CUL3: variants seen among roughly 807,000 people sequenced by gnomAD.
CUL3 encodes cullin-3.
A neutral mutation model predicts 89.1 loss-of-function variants in CUL3; 19 were observed. The ratio of observed to expected loss-of-function variants is 0.21; its 90% confidence interval spans 0.15 to 0.31. CUL3 has a LOEUF of 0.31. Ranked by LOEUF, CUL3 falls within the 10% of genes least tolerant of loss-of-function variation. The pLI is 1.00. For synonymous variants in CUL3, 351 were observed against 308.4 expected (o/e 1.14, Z -1.45); for missense variants, 469 against 942.3 (o/e 0.50, Z 6.58).
At chr2:224,530,533 G>C (rs749734673) in intron 3 of CUL3, among the ~76,000 whole-genome samples, 2 of 152,188 alleles carry the variant, frequency 1.3e-5, no homozygotes, top group Non-Finnish European at 2.9e-5. Context: ...GTATCGGTTA[G>C]AGAGGTGCAT....
intron 3 of CUL3, among the ~76,000 whole-genome samples, chr2:224,532,261 G>C (rs116485250): frequency 0.011 from 1,708 of 152,182 alleles, 30 homozygotes; most frequent in African/African-American, 0.039. Flanking sequence ...ACCATGAGAA[G>C]AACAACTAGG....
chr2:224,562,789 G>A (rs1436941190), intron 1 of CUL3: 1 of 154,122 alleles, frequency 6.5e-6, no homozygotes, highest in Non-Finnish European at 1.4e-5. Context: ...GTGCTAATAT[G>A]GTAAAGTAAC....
intron 1 of CUL3, among the ~76,000 whole-genome samples, chr2:224,578,543 T>G (rs1426986923): frequency 2.0e-5 from 3 of 152,130 alleles, no homozygotes; most frequent in Non-Finnish European, 4.4e-5. Flanking sequence ...TTGTTATAAT[T>G]AGAAAAGCTA....
rs2106215222 is a variant in CUL3, at chr2:224,511,423, G to A, written c.814C>T (p.His272Tyr). The change falls in exon 6 of 16, where the codon CAC becomes TAC. Residue 272 changes from histidine (H) to tyrosine (Y), a missense_variant. By Grantham distance (83) the His-to-Tyr change is moderately conservative. Around this residue, in one of 4 missense-constraint regions of CUL3, gnomAD observed 370 missense variants for 733.2 expected, o/e 0.50. Coordinates refer to ENST00000264414, the MANE Select transcript of CUL3 (RefSeq NM_003590.5). The part of the protein sequence containing the change: ...KVVERELISK[H>Y]MKTIVEMENS... Reference sequence around the variant, plus strand: ...TCCATTTCTACTATAGTCTTCATGTGCTTGGAAATGAGTTCCCTTTCAACC... The same window carrying A: ...TCCATTTCTACTATAGTCTTCATGTACTTGGAAATGAGTTCCCTTTCAACC... 6.2e-7 allele frequency: 1 copy of A among 1,613,824 alleles called. No individual in the cohort carries two copies. Among genetic ancestry groups the A allele is most frequent in the African/African-American group, 1.3e-5 (1 of 74,978 alleles).
At chr2:224,580,284 C>T (rs1405486243) in intron 1 of CUL3, among the ~76,000 whole-genome samples, 3 of 152,164 alleles carry the variant, frequency 2.0e-5, no homozygotes, top group African/African-American at 7.2e-5. Flanking sequence ...TATTGTCTTC[C>T]ATCTTAAAAA....
chr2:224,497,724 C>CTTA lies in CUL3; in HGVS notation c.1707+26_1707+28dup, dbSNP rs1174693623. On this transcript the variant is annotated intron_variant, in intron 12 of 15. Transcript: ENST00000264414. ...GCTCTAATAGACTAACTTTAAGTTA[C>CTTA]TTAATACGTTCAAACTATCAATATT... 2.0e-6 allele frequency: 3 copies of CTTA among 1,534,746 alleles called. No individual in the cohort carries two copies. The African/African-American group carries it at 4.1e-5, about 21-fold the overall frequency.
At chr2:224,564,169 T>G (rs1303617545) in intron 1 of CUL3, among the ~76,000 whole-genome samples, 1 of 152,060 alleles carries the variant, frequency 6.6e-6, no homozygotes, top group African/African-American at 2.4e-5. Context: ...ACCTGTAATC[T>G]CAGCTACTTG....
intron 4 of CUL3, 49 bp from the exon 5 acceptor site, chr2:224,513,687 T>C: frequency 1.5e-6 from 2 of 1,315,242 alleles, no homozygotes; most frequent in Admixed American, 4.7e-5. Flanking sequence ...CATTTAAAAA[T>C]TCACATAAAA....
At chr2:224,529,708 G>A (rs1693618741) in intron 3 of CUL3, among the ~76,000 whole-genome samples, 2 of 152,276 alleles carry the variant, frequency 1.3e-5, no homozygotes, top group South Asian at 4.1e-4. Flanking sequence ...GGTAATGCAA[G>A]TCTCAAGCAT....
rs1393105898 is a variant in CUL3, at chr2:224,557,936, C to A, written c.67-80G>T. 7 of 774,054 alleles carry A rather than the reference C, an allele frequency of 9.0e-6. No homozygotes were observed. In the East Asian group the frequency reaches 1.9e-4, roughly 21 times the overall value. 47.9% of individuals were successfully genotyped at this position (774,054 alleles called of 1,614,324 possible). On this transcript the variant is annotated intron_variant, in intron 1 of 15. Transcript: ENST00000264414. ...GGTTGAAAGTCTTTCTATATTTGTC[C>A]ATATATAGTAAATATTGTATTATAT...
At position 224,470,489 on chromosome 2, in the gene CUL3, TA is replaced by T. The variant is rs1432567963; in HGVS notation, c.*3755del. The T allele has an allele frequency of 8.8e-6, 2 of 227,268 alleles. No individual in the cohort carries two copies. The highest frequency in any genetic ancestry group is 2.3e-5 in the African/African-American group (1 of 43,336). The allele number at this position is 227,268 out of a possible 1,614,324, so 14.1% of individuals were successfully genotyped here. A position where few individuals can be genotyped will look rare whatever the true frequency, so the allele number is the denominator to read the frequency against. On this transcript the variant is annotated 3_prime_UTR_variant, in exon 16 of 16. Coordinates refer to ENST00000264414, the MANE Select transcript of CUL3 (RefSeq NM_003590.5). ...GGCCAATCTCTGTATCATTACCTGT[TA>T]AATTTATCTGCCATTCTTAACGTCT...
At chr2:224,513,771 CA>C (rs750199877) in intron 4 of CUL3, 133 bp from the exon 5 acceptor site, 91 of 596,988 alleles carry the variant, frequency 1.5e-4, no homozygotes, top group Non-Finnish European at 1.6e-4. Context: ...TCCAATAGGC[CA>C]CTCATGTAAA....
intron 3 of CUL3, among the ~76,000 whole-genome samples, chr2:224,527,303 A>G (rs188648413): frequency 8.5e-5 from 13 of 152,356 alleles, no homozygotes; most frequent in African/African-American, 3.1e-4. Flanking sequence ...AACCTAGAAT[A>G]TTGTGAACAA....
chr2:224,523,050 A>C (rs1359450599), intron 3 of CUL3, among the ~76,000 whole-genome samples: 1 of 152,314 alleles, frequency 6.6e-6, no homozygotes, highest in Middle Eastern at 3.4e-3. Context: ...GGGAAAAAAA[A>C]CAGTTAATCA....
chr2:224,506,114 T>C lies in CUL3; in HGVS notation c.1048A>G (p.Ser350Gly). 1 of 1,594,802 alleles carries C rather than the reference T, an allele frequency of 6.3e-7. No homozygotes were observed. Among genetic ancestry groups the C allele is most frequent in the African/African-American group, 1.3e-5 (1 of 74,364 alleles). Residue 350 changes from serine (S) to glycine (G), a missense_variant, in exon 8 of 16, where the codon AGT becomes GGT. Physicochemically the swap from Ser to Gly is moderately conservative, Grantham distance 56 (BLOSUM62 0). Coordinates refer to ENST00000264414, the MANE Select transcript of CUL3 (RefSeq NM_003590.5). ...TCCAGGAGGAAGCGATCGAACCTACTCTTCAGATCCAATAAGCCCTTAGAA... is the reference window on the plus strand; with the variant it reads ...TCCAGGAGGAAGCGATCGAACCTACCCTTCAGATCCAATAAGCCCTTAGAA... Reference protein sequence around the residue: ...DYIQGLLDLKSRFDRFLLESF... With the variant: ...DYIQGLLDLKGRFDRFLLESF...
intron 3 of CUL3, among the ~76,000 whole-genome samples, chr2:224,530,776 A>G (rs1003770274): frequency 1.3e-4 from 20 of 152,128 alleles, no homozygotes; most frequent in African/African-American, 4.8e-4. Context: ...GTGTGGTGGC[A>G]TGCACCTGTA....
chr2:224,499,545 C>A, intron 11 of CUL3: 1 of 224,590 alleles, frequency 4.5e-6, no homozygotes. Flanking sequence ...GCTCTGCTGT[C>A]TCTGATCCCA....
chr2:224,553,124 T>C (rs1694576709), intron 2 of CUL3, among the ~76,000 whole-genome samples: 1 of 152,236 alleles, frequency 6.6e-6, no homozygotes, highest in African/African-American at 2.4e-5. Context: ...ACATGTCAGA[T>C]GGTCCTACCT....
intron 1 of CUL3, among the ~76,000 whole-genome samples, chr2:224,578,848 T>G (rs1695371363): frequency 6.6e-6 from 1 of 152,088 alleles, no homozygotes; most frequent in South Asian, 2.1e-4. Flanking sequence ...AGTCCCCCAA[T>G]GTATAATATA....
Sources: gnomAD v4.1 joint callset for allele counts (sites outside exome capture counted in the v4.1 genomes callset) on GRCh38, gnomAD v4.1.1 for gene constraint, gnomAD v4.1.1 regional missense constraint, MANE v1.5 for transcripts, NCBI Gene and HGNC (gene_info 2026-07-23, HGNC 2026-07-21) for gene names.